Variants in VWA5A observed in about 807,000 individuals in gnomAD.
The protein encoded by VWA5A is von Willebrand factor A domain containing 5A, also known as von Willebrand factor A domain-containing protein 5A.
VWA5A carries 77 observed loss-of-function variants against 84.6 expected under a neutral mutation model. The observed-to-expected ratio is 0.91, with a 90% confidence interval of 0.76 to 1.10. The LOEUF (loss-of-function observed/expected upper bound fraction) is 1.10, where lower values mean the gene tolerates loss of function less well. Among genes scored for constraint, VWA5A ranks in the 50% least tolerant of loss-of-function variants. The pLI is 0.00. For synonymous variants in VWA5A, 334 were observed against 350.1 expected, an observed-to-expected ratio of 0.95 and a Z score of 0.51; for missense variants, 973 against 963.0, an observed-to-expected ratio of 1.01 and a Z score of -0.14.
intron 16 of VWA5A, 132 bp from the exon 17 acceptor site, chr11:124,142,310 T>C: frequency 2.4e-6 from 3 of 1,233,804 alleles, no homozygotes; most frequent in Non-Finnish European, 3.4e-6. Flanking sequence ...CTTCTGGATG[T>C]TGTCTGATGA....
intron 7 of VWA5A, 152 bp from the exon 8 acceptor site, chr11:124,122,808 C>A (rs1864950789): frequency 2.9e-6 from 2 of 697,494 alleles, no homozygotes; most frequent in African/African-American, 1.8e-5. Context: ...CTCACCTTGA[C>A]CCCATTGCAA....
Position 124,119,080 on chromosome 11 carries a change from A to C in VWA5A, c.751A>C (p.Met251Leu). 1 of 1,614,002 alleles carries C rather than the reference A, an allele frequency of 6.2e-7. No individual in the cohort carries two copies. The highest frequency in any genetic ancestry group is 8.5e-7 in the Non-Finnish European group (1 of 1,179,942). Residue 251 changes from methionine to leucine, a missense_variant, in exon 7 of 19, where the codon ATG becomes CTG. By Grantham distance (15) the Met-to-Leu change is conservative. Coordinates refer to ENST00000456829, the MANE Select transcript of VWA5A (RefSeq NM_001130142.2). ...GGTTTTGGAGATGGGGATGCCTAACATGAAGCCAGGTATTTTCTTTCTTCC... is the reference window on the plus strand; with the variant it reads ...GGTTTTGGAGATGGGGATGCCTAACCTGAAGCCAGGTATTTTCTTTCTTCC... ...SVVLEMGMPN[M>L]KPGHLMGDPS... is the part of the protein sequence containing the mutation.
intron 6 of VWA5A, 112 bp from the exon 7 acceptor site, chr11:124,118,863 A>G: frequency 1.5e-6 from 2 of 1,341,106 alleles, no homozygotes; most frequent in Non-Finnish European, 2.1e-6. Context: ...CTCCAGCCTC[A>G]CCTCTGTTCC....
chr11:124,139,378 G>C (rs1860682853), intron 15 of VWA5A, among the ~76,000 whole-genome samples: 1 of 151,978 alleles, frequency 6.6e-6, no homozygotes. Flanking sequence ...AAATTGCTTT[G>C]GGTATTATGG....
intron 18 of VWA5A, 25 bp downstream of exon 18, chr11:124,145,388 T>A: frequency 6.3e-7 from 1 of 1,587,982 alleles, no homozygotes; most frequent in Non-Finnish European, 8.6e-7. Context: ...CTAAGGCCTG[T>A]CTCCTTCCCC....
chr11:124,144,848 G>A (rs901708668), intron 17 of VWA5A, among the ~76,000 whole-genome samples: 4 of 152,086 alleles, frequency 2.6e-5, no homozygotes, highest in Non-Finnish European at 5.9e-5. Context: ...TCTTAAAAAT[G>A]TTTATTGATA....
At chr11:124,136,918 A>G in intron 14 of VWA5A, 97 bp from the exon 15 acceptor site, 2 of 1,484,008 alleles carry the variant, frequency 1.3e-6, no homozygotes, top group Non-Finnish European at 1.8e-6. Context: ...ATCTGACTTT[A>G]TCTTAACTCT....
In VWA5A at chr11:124,135,745, T is replaced by A. The variant is rs371244980; in HGVS notation, c.1360-384T>A. Among the ~76,000 whole-genome samples, 396 of 151,444 alleles carry A rather than the reference T, an allele frequency of 2.6e-3. 1 individual carries two copies. The highest frequency in any genetic ancestry group is 8.8e-3 in the African/African-American group (365 of 41,250). On this transcript the variant is annotated intron_variant, in intron 12 of 18. Coordinates refer to ENST00000456829, the MANE Select transcript of VWA5A (RefSeq NM_001130142.2). ...CGGGGTTTCACCGTTTTAGCCGGGA[T>A]GGTCTCGATCTCCTGACCTCGTGAT...
At chr11:124,134,742 T>C (rs575057650) in intron 11 of VWA5A, among the ~76,000 whole-genome samples, 178 bp from the exon 12 acceptor site, 3 of 152,342 alleles carry the variant, frequency 2.0e-5, no homozygotes, top group South Asian at 4.1e-4. Flanking sequence ...AATTGCATCA[T>C]TGATTTAAGG....
intron 1 of VWA5A, chr11:124,116,275 G>A (rs1864828403): frequency 6.6e-6 from 1 of 152,340 alleles, no homozygotes. Flanking sequence ...CATCCTGAGA[G>A]ACAGAACTAA....
At chr11:124,136,878 C>T (rs894797483) in intron 14 of VWA5A, 137 bp from the exon 15 acceptor site, 1 of 1,295,580 alleles carries the variant, frequency 7.7e-7, no homozygotes, top group Non-Finnish European at 1.0e-6. Flanking sequence ...TTTTTTATTT[C>T]TAAACCACCC....
chr11:124,136,683 T>A lies in VWA5A; in HGVS notation c.1625+9T>A. The A allele has an allele frequency of 1.2e-6, 2 of 1,605,014 alleles. No individual in the cohort carries two copies. The highest frequency in any genetic ancestry group is 2.2e-5 in the South Asian group (2 of 90,756). On this transcript the variant is annotated intron_variant, in intron 14 of 18. Coordinates refer to ENST00000456829, the MANE Select transcript of VWA5A (RefSeq NM_001130142.2). ...CCCAAGCCTGATGTCAAGTGAGAATTCAGTTTTCCCTTCCTTCCTTCCTTC... is the reference window on the plus strand; with the variant it reads ...CCCAAGCCTGATGTCAAGTGAGAATACAGTTTTCCCTTCCTTCCTTCCTTC...
intron 11 of VWA5A, 34 bp downstream of exon 11, chr11:124,124,350 G>C (rs768865300): frequency 4.0e-5 from 65 of 1,609,346 alleles, no homozygotes; most frequent in Non-Finnish European, 5.3e-5. Flanking sequence ...GGTGATTGGT[G>C]CTGAGTAGTG....
At chr11:124,138,226 A>G (rs1281452127) in intron 15 of VWA5A, among the ~76,000 whole-genome samples, 1 of 152,162 alleles carries the variant, frequency 6.6e-6, no homozygotes, top group Admixed American at 6.5e-5. Flanking sequence ...ATGGATACCT[A>G]GGTTGATTCC....
chr11:124,144,396 T>C (rs1238878982), intron 17 of VWA5A, among the ~76,000 whole-genome samples: 5 of 152,150 alleles, frequency 3.3e-5, no homozygotes, highest in Admixed American at 3.3e-4. Context: ...TATAAGTACA[T>C]TTACCTCCAG....
rs1279116078 is a variant in VWA5A at position 124,136,187 on chromosome 11, G to A, written c.1418G>A (p.Trp473Ter). The part of the protein sequence containing the change: ...QPVVEDVSLS[W>*]HLPPGLSAKM... ...GTGGTAGAGGATGTCTCTCTGAGCT[G>A]GCATTTGCCTCCTGGTCTGTCTGCT... The change falls in exon 13 of 19, where the codon TGG becomes TAG. Residue 473 changes from tryptophan to a stop codon, truncating the protein, a stop_gained. Coordinates refer to ENST00000456829, the MANE Select transcript of VWA5A (RefSeq NM_001130142.2). LOFTEE classifies it high-confidence loss of function. 1 of 1,614,178 alleles carries A rather than the reference G, an allele frequency of 6.2e-7. No homozygotes were observed. The highest frequency in any genetic ancestry group is 1.7e-5 in the Admixed American group (1 of 60,032).
Position 124,145,275 on chromosome 11 carries a change from G to T in VWA5A, c.2193G>T (p.Val731=). 6.2e-7 allele frequency: 1 copy of T among 1,613,872 alleles called. No homozygotes were observed. Among genetic ancestry groups the T allele is most frequent in the Admixed American group, 1.7e-5 (1 of 60,008 alleles). The change falls in exon 18 of 19, where the codon GTG becomes GTT. Residue 731 remains valine, a synonymous_variant. Transcript: ENST00000456829. ...DSSGWATILA[V]IWLHSNGKDL... is the part of the protein sequence containing the mutation. ...CAGGCTGGGCCACCATCCTGGCCGTGATCTGGCTGCACAGCAATGGTAAGG... is the reference window on the plus strand; with the variant it reads ...CAGGCTGGGCCACCATCCTGGCCGTTATCTGGCTGCACAGCAATGGTAAGG...
intron 2 of VWA5A, among the ~76,000 whole-genome samples, 156 bp downstream of exon 2, chr11:124,116,836 A>T (rs2137622191): frequency 6.6e-6 from 1 of 152,340 alleles, no homozygotes; most frequent in African/African-American, 2.4e-5. Context: ...TCTTGGATGG[A>T]TACAAACAAA....
In VWA5A at chr11:124,141,709, G is replaced by T; in HGVS notation, c.1991G>T (p.Gly664Val). 1 of 1,614,150 alleles carries T rather than the reference G, an allele frequency of 6.2e-7. No homozygotes were observed. Among genetic ancestry groups the T allele is most frequent in the Non-Finnish European group, 8.5e-7 (1 of 1,180,032 alleles). The change falls in exon 16 of 19, where the codon GGG becomes GTG. Residue 664 changes from glycine to valine, a missense_variant. Transcript: ENST00000456829. Reference sequence around the variant, plus strand: ...CAGATGGACGATTACAGTCTCTGTGGGTTGATAAGTCACAAGGACCAGCAC... The same window carrying T: ...CAGATGGACGATTACAGTCTCTGTGTGTTGATAAGTCACAAGGACCAGCAC... ...TFQMDDYSLC[G>V]LISHKDQHSP...
Sources: gnomAD v4.1 joint callset for allele counts (sites outside exome capture counted in the v4.1 genomes callset) on GRCh38, gnomAD v4.1.1 for gene constraint, MANE v1.5 for transcripts, NCBI Gene and HGNC (gene_info 2026-07-23, HGNC 2026-07-21) for gene names.